Variants in PLAT observed in about 807,000 individuals in gnomAD.
PLAT encodes tissue-type plasminogen activator.
A neutral mutation model predicts 74.9 loss-of-function variants in PLAT; 48 were observed. That is an observed-to-expected ratio of 0.64 (90% CI 0.51 to 0.82). The LOEUF (loss-of-function observed/expected upper bound fraction) is 0.82, where lower values mean the gene tolerates loss of function less well. Ranked by LOEUF, PLAT falls within the 40% of genes least tolerant of loss-of-function variation. The probability of loss-of-function intolerance (pLI) is 0.00; values close to 1 mark genes in which losing one functional copy is unlikely to be tolerated. For synonymous variants in PLAT, 307 were observed against 294.4 expected (o/e 1.04, Z -0.44); for missense variants, 673 against 736.2 (o/e 0.91, Z 0.99).
chr8:42,194,048 TTC>T (rs1246004427), intron 1 of PLAT, among the ~76,000 whole-genome samples: 28 of 108,052 alleles, frequency 2.6e-4, no homozygotes, highest in Middle Eastern at 4.0e-3. Context: ...TCTTTCTTCT[TTC>T]TTTTTTTTTT....
chr8:42,180,106 G>GCGTCCC (rs1564126343), intron 11 of PLAT, 40 bp from the exon 12 acceptor site: 5 of 1,591,336 alleles, frequency 3.1e-6, no homozygotes, highest in Non-Finnish European at 4.3e-6. Context: ...CGTGAGGGCC[G>GCGTCCC]CGTCCCCGGG....
chr8:42,204,852 TA>T (rs949477139), intron 1 of PLAT, among the ~76,000 whole-genome samples: 1 of 151,836 alleles, frequency 6.6e-6, no homozygotes, highest in African/African-American at 2.4e-5. Context: ...ACCCTGTCTC[TA>T]CTAAAAATAT....
chr8:42,179,175 A>C, intron 12 of PLAT, 112 bp from the exon 13 acceptor site: 1 of 704,330 alleles, frequency 1.4e-6, no homozygotes, highest in Non-Finnish European at 2.5e-6. Context: ...TTCAACATGT[A>C]TTAGGTCGAA....
At chr8:42,182,505 C>A (rs1161418543) in intron 8 of PLAT, 3 of 466,026 alleles carry the variant, frequency 6.4e-6, no homozygotes, top group Admixed American at 3.9e-5. Flanking sequence ...AGGCCAGGAC[C>A]CTTAACTTGG....
At chr8:42,179,235 G>A (rs549403695) in intron 12 of PLAT, among the ~76,000 whole-genome samples, 172 bp from the exon 13 acceptor site, 1 of 152,264 alleles carries the variant, frequency 6.6e-6, no homozygotes, top group South Asian at 2.1e-4. Flanking sequence ...AAAACAGCAG[G>A]ATTCCGGGAT....
At position 42,193,169 on chromosome 8, in the gene PLAT, C is replaced by G. The variant is rs1215325474; in HGVS notation, c.17G>C (p.Arg6Thr). 1 of 1,613,920 alleles carries G rather than the reference C, an allele frequency of 6.2e-7. No individual in the cohort carries two copies. The change falls in exon 2 of 14, where the codon AGA becomes ACA. Residue 6 changes from arginine (R) to threonine (T), a missense_variant. By Grantham distance (71) the Arg-to-Thr change is moderately conservative. Coordinates refer to ENST00000220809, the MANE Select transcript of PLAT (RefSeq NM_000930.5). MDAMKRGLCCVLLLCG... is the reference protein window; with the variant it reads MDAMKTGLCCVLLLCG... ...CAGCAGCAGCACACAGCAGAGCCCT[C>G]TCTTCATTGCATCCATGATTGCTTC...
At chr8:42,179,876 TC>T in intron 12 of PLAT, 49 bp downstream of exon 12, 1 of 1,492,272 alleles carries the variant, frequency 6.7e-7, no homozygotes, top group Non-Finnish European at 9.0e-7. Flanking sequence ...GACCGCAGCC[TC>T]CCCTGCTGTC....
At position 42,187,455 on chromosome 8, in the gene PLAT, T is replaced by G; in HGVS notation, c.482A>C (p.Tyr161Ser). The change falls in exon 6 of 14, where the codon TAC (tyrosine) becomes TCC (serine). Residue 161 changes from tyrosine to serine, a missense_variant. Transcript: ENST00000220809. ...GATGGCGTCTGGCCTCCGCCCGCTG[T>G]AGGGCTTCTGGGCCAACGCGCTGCT... ...WNSSALAQKP[Y>S]SGRRPDAIRL... is the part of the protein sequence containing the mutation. 6.2e-7 allele frequency: 1 copy of G among 1,606,390 alleles called. No individual in the cohort carries two copies. Among genetic ancestry groups the G allele is most frequent in the Non-Finnish European group, 8.5e-7 (1 of 1,179,588 alleles).
chr8:42,199,396 G>A (rs1009572271), intron 1 of PLAT, among the ~76,000 whole-genome samples: 3 of 152,228 alleles, frequency 2.0e-5, no homozygotes, highest in Admixed American at 6.5e-5. Context: ...CACTTGAGGC[G>A]AGGAGTTCAA....
rs1805152937 is a variant in PLAT at position 42,179,978 on chromosome 8, C to G, written c.1311G>C (p.Gln437His). 5.0e-6 allele frequency: 8 copies of G among 1,608,656 alleles called. No homozygotes were observed. The highest frequency in any genetic ancestry group is 6.8e-6 in the Non-Finnish European group (8 of 1,177,288). Residue 437 changes from glutamine (Q) to histidine (H), a missense_variant, in exon 12 of 14, where the codon CAG (glutamine) becomes CAC (histidine). Gln to His is a conservative substitution (Grantham distance 24, BLOSUM62 0). Coordinates refer to ENST00000220809, the MANE Select transcript of PLAT (RefSeq NM_000930.5). ...GCTCACACTCCGTCCAGTCCGGCAG[C>G]TGCAGGTCCGCCGGGGGAAGGCACA... ...RTVCLPPADL[Q>H]LPDWTECELS...
At chr8:42,176,363 C>T (rs924742516) in intron 13 of PLAT, among the ~76,000 whole-genome samples, 4 of 152,204 alleles carry the variant, frequency 2.6e-5, no homozygotes, top group South Asian at 2.1e-4. Flanking sequence ...CCAGGTACCC[C>T]GGTTTCCTTC....
intron 1 of PLAT, among the ~76,000 whole-genome samples, chr8:42,196,418 C>T (rs887053966): frequency 6.6e-5 from 10 of 152,086 alleles, no homozygotes; most frequent in African/African-American, 1.7e-4. Flanking sequence ...CACACAGAGG[C>T]GATTCGAGCA....
chr8:42,185,430 AT>A (rs1336653005), intron 6 of PLAT: 4 of 266,484 alleles, frequency 1.5e-5, no homozygotes, highest in African/African-American at 2.2e-5. Flanking sequence ...TGCCTGGCTA[AT>A]TTTTGTATTT....
Position 42,178,984 on chromosome 8 carries a change from T to G in PLAT, c.1443A>C (p.Leu481Phe). The G allele has an allele frequency of 6.2e-7, 1 of 1,614,002 alleles. No homozygotes were observed. Among genetic ancestry groups the G allele is most frequent in the Non-Finnish European group, 8.5e-7 (1 of 1,179,912 alleles). Residue 481 changes from leucine (L) to phenylalanine (F), a missense_variant, in exon 13 of 14, where the codon TTA becomes TTC. Leu to Phe is a conservative substitution (Grantham distance 22, BLOSUM62 0). Transcript: ENST00000220809. ...TGTTGTCGGTGACTGTTCTGTTAAG[T>G]AAATGTTGTGATGTGCAGCGGCTGG... Reference protein sequence around the residue: ...YPSSRCTSQHLLNRTVTDNML... With the variant: ...YPSSRCTSQHFLNRTVTDNML...
At chr8:42,188,826 G>A (rs1210731649) in intron 4 of PLAT, 108 bp downstream of exon 4, 1 of 902,340 alleles carries the variant, frequency 1.1e-6, no homozygotes, top group Non-Finnish European at 1.7e-6. Context: ...GACTTGCTAT[G>A]TTTGCCCAGA....
intron 12 of PLAT, among the ~76,000 whole-genome samples, chr8:42,179,620 G>C (rs752814543): frequency 6.6e-6 from 1 of 152,312 alleles, no homozygotes; most frequent in East Asian, 1.9e-4. Flanking sequence ...TTGAAATCGG[G>C]TCTTTGTAAC....
chr8:42,201,889 T>G (rs1563264711), intron 1 of PLAT, among the ~76,000 whole-genome samples: 1 of 152,196 alleles, frequency 6.6e-6, no homozygotes. Context: ...ACCCTTCGCT[T>G]TCTCTCAGTA....
intron 1 of PLAT, among the ~76,000 whole-genome samples, chr8:42,200,874 G>A (rs901897426): frequency 6.6e-6 from 1 of 151,514 alleles, no homozygotes; most frequent in African/African-American, 2.4e-5. Context: ...CTGTTGCCCA[G>A]GCTGGATTGC....
chr8:42,174,790 C>T lies in PLAT; in HGVS notation c.*1203G>A, dbSNP rs1229520398. Among the ~76,000 whole-genome samples the T allele has an allele frequency of 6.6e-6, 1 of 152,152 alleles. No individual in the cohort carries two copies. Among genetic ancestry groups the T allele is most frequent in the Non-Finnish European group, 1.5e-5 (1 of 68,040 alleles). On this transcript the variant is annotated 3_prime_UTR_variant, in exon 14 of 14. Transcript: ENST00000220809. ...AATCTAAATTCCAGCCTATGTTCCT[C>T]TTCCTGAAGTTCACTTCAGACAAGC...
Sources: allele counts gnomAD v4.1 joint callset (sites outside exome capture counted in the v4.1 genomes callset), GRCh38; gene constraint gnomAD v4.1.1; transcripts MANE v1.5; gene names NCBI Gene and HGNC (gene_info 2026-07-23, HGNC 2026-07-21).